Variants in L3MBTL2 observed in about 807,000 individuals in gnomAD.
L3MBTL2 encodes the protein lethal(3)malignant brain tumor-like protein 2.
L3MBTL2 carries 49 observed loss-of-function variants against 86.4 expected under a neutral mutation model. The observed-to-expected ratio is 0.57, with a 90% CI of 0.45 to 0.72. The LOEUF (loss-of-function observed/expected upper bound fraction) is 0.72. Among genes scored for constraint, L3MBTL2 ranks in the 30% least tolerant of loss-of-function variants. The probability of loss-of-function intolerance (pLI) is 0.00; values close to 1 mark genes in which losing one functional copy is unlikely to be tolerated. For missense variants in L3MBTL2, 755 were observed against 923.7 expected (o/e 0.82, Z 2.37); for synonymous variants, 336 against 350.6 (o/e 0.96, Z 0.47).
chr22:41,228,742 TG>T (rs2032367456), intron 15 of L3MBTL2, among the ~76,000 whole-genome samples: 1 of 150,852 alleles, frequency 6.6e-6, no homozygotes, highest in Non-Finnish European at 1.5e-5. Flanking sequence ...CCCAGCTACT[TG>T]GGAGGCTGAG....
chr22:41,228,882 G>C (rs1021382274), intron 15 of L3MBTL2, among the ~76,000 whole-genome samples: 26 of 152,058 alleles, frequency 1.7e-4, no homozygotes, highest in African/African-American at 6.0e-4. Context: ...GTGAGGGTGT[G>C]GCATTTATCC....
At position 41,220,873 on chromosome 22, in the gene L3MBTL2, G is replaced by T; in HGVS notation, c.853+5G>T. On this transcript the variant is annotated splice_donor_5th_base_variant and intron_variant, in intron 7 of 16. Coordinates refer to ENST00000216237, the MANE Select transcript of L3MBTL2 (RefSeq NM_031488.5). ...AGATCCTAGTGCCCCCACGGAGTGA[G>T]TTGATGAGAACATTTCCTCTCTTGT... 1 of 1,611,772 alleles carries T rather than the reference G, an allele frequency of 6.2e-7. No individual in the cohort carries two copies. The highest frequency in any genetic ancestry group is 8.5e-7 in the Non-Finnish European group (1 of 1,178,166).
In L3MBTL2 at chr22:41,230,575, G is replaced by A. The variant is rs1009111707; in HGVS notation, c.*324G>A. 5 of 348,436 alleles carry A rather than the reference G, an allele frequency of 1.4e-5. No individual in the cohort carries two copies. The highest frequency in any genetic ancestry group is 6.9e-5 in the East Asian group (1 of 14,536). The allele number at this position is 348,436 out of a possible 1,614,324, so 21.6% of individuals were successfully genotyped here. A position where few individuals can be genotyped will look rare whatever the true frequency, so the allele number is the denominator to read the frequency against. ...CCTTAAGATGGCCTCCCCCCGACCCGCCACGGCCCTCAGTTGCCAGGGATG... is the reference window on the plus strand; with the variant it reads ...CCTTAAGATGGCCTCCCCCCGACCCACCACGGCCCTCAGTTGCCAGGGATG... On this transcript the variant is annotated 3_prime_UTR_variant, in exon 17 of 17. Coordinates refer to ENST00000216237, the MANE Select transcript of L3MBTL2 (RefSeq NM_031488.5).
chr22:41,225,850 C>T lies in L3MBTL2; in HGVS notation c.1413C>T (p.Gly471=), dbSNP rs1426813120. ...ICVDGGPSTD[G]LDWFCYHASS... is the part of the protein sequence containing the mutation. ...TGGACGGGGGGCCCTCCACAGATGG[C>T]TTGGACTGGTTCTGCTACCATGCCT... Residue 471 remains glycine (G), a synonymous_variant, in exon 12 of 17, where the codon GGC becomes GGT. Transcript: ENST00000216237. The surrounding 1 kb of genome is among the most constrained non-coding windows in gnomAD (Gnocchi z 4.1). 8 of 1,614,044 alleles carry T rather than the reference C, an allele frequency of 5.0e-6. No individual in the cohort carries two copies. Among genetic ancestry groups the T allele is most frequent in the Non-Finnish European group, 6.8e-6 (8 of 1,180,030 alleles).
chr22:41,228,364 G>A lies in L3MBTL2; in HGVS notation c.1888+495G>A, dbSNP rs887679547. The A allele has an allele frequency of 3.1e-5, 31 of 985,462 alleles. 1 individual carries two copies. The highest frequency in any genetic ancestry group is 1.4e-4 in the African/African-American group (8 of 57,376). The allele number at this position is 985,462 out of a possible 1,614,324, so 61.0% of individuals were successfully genotyped here. Reference sequence around the variant, plus strand: ...ACCTGGCTCTCAGGCCGTGGGTGTCGTTTCCCTTGGTGGGGCCTCACTCTA... The same window carrying A: ...ACCTGGCTCTCAGGCCGTGGGTGTCATTTCCCTTGGTGGGGCCTCACTCTA... On this transcript the variant is annotated intron_variant, in intron 15 of 16. Coordinates refer to ENST00000216237, the MANE Select transcript of L3MBTL2 (RefSeq NM_031488.5).
chr22:41,215,561 C>A (rs534955696), intron 3 of L3MBTL2, among the ~76,000 whole-genome samples: 3 of 152,340 alleles, frequency 2.0e-5, no homozygotes, highest in Admixed American at 6.5e-5. Flanking sequence ...CAGACCAGAT[C>A]AGTGGCCATT....
intron 6 of L3MBTL2, among the ~76,000 whole-genome samples, chr22:41,220,276 G>A (rs917989348): frequency 2.0e-5 from 3 of 152,194 alleles, no homozygotes; most frequent in Non-Finnish European, 2.9e-5. Context: ...AATGCTTTCC[G>A]AACTAGGAGC....
intron 2 of L3MBTL2, among the ~76,000 whole-genome samples, chr22:41,210,487 G>A (rs1273297825): frequency 2.0e-5 from 3 of 152,094 alleles, no homozygotes; most frequent in South Asian, 2.1e-4. Context: ...CCGCCATGAC[G>A]CCCGGCTAAT....
At chr22:41,209,448 T>C (rs1346909406) in intron 1 of L3MBTL2, 2 of 445,434 alleles carry the variant, frequency 4.5e-6, no homozygotes, top group Non-Finnish European at 8.3e-6. Flanking sequence ...TGTTAAAATA[T>C]CATCATTTGT....
intron 8 of L3MBTL2, 116 bp downstream of exon 8, chr22:41,221,403 G>A: frequency 1.2e-6 from 1 of 869,302 alleles, no homozygotes; most frequent in South Asian, 1.5e-5. Flanking sequence ...ATCTTCAGCA[G>A]CTCCACATTT....
At chr22:41,213,796 C>G in intron 2 of L3MBTL2, 97 bp from the exon 3 acceptor site, 1 of 1,386,422 alleles carries the variant, frequency 7.2e-7, no homozygotes, top group Non-Finnish European at 1.0e-6. Flanking sequence ...AGGGGCTCAC[C>G]TGGTTAATGC....
rs763012272 is a variant in L3MBTL2 at position 41,209,792 on chromosome 22, G to C, written c.121G>C (p.Gly41Arg). 4.3e-6 allele frequency: 7 copies of C among 1,614,168 alleles called. No individual in the cohort carries two copies. The highest frequency in any genetic ancestry group is 4.2e-6 in the Non-Finnish European group (5 of 1,180,038). The change falls in exon 2 of 17, where the codon GGC becomes CGC. Residue 41 changes from glycine (G) to arginine (R), a missense_variant. Gly to Arg is a moderately radical substitution (Grantham distance 125). This residue lies in a region of L3MBTL2 where 103 missense variants were observed against 105.2 expected (regional missense o/e 0.98). Transcript: ENST00000216237. ...TTTCCGGAGTTATAACAGCAGTGTGGGCAGTGAGAGCAGCTCCTATCTGGA... is the reference window on the plus strand; with the variant it reads ...TTTCCGGAGTTATAACAGCAGTGTGCGCAGTGAGAGCAGCTCCTATCTGGA... ...DSFRSYNSSVGSESSSYLEES... is the reference protein window; with the variant it reads ...DSFRSYNSSVRSESSSYLEES...
In L3MBTL2 at chr22:41,230,079, G is replaced by A. The variant is rs560145749; in HGVS notation, c.2006-60G>A. ...GCCAGGTCCCTTTCCCAGCTCCTCC[G>A]CCCCCACCCCTCCCAGAGTTATTTA... On this transcript the variant is annotated intron_variant, in intron 16 of 16. Coordinates refer to ENST00000216237, the MANE Select transcript of L3MBTL2 (RefSeq NM_031488.5). 1,059 of 536,914 alleles carry A rather than the reference G, an allele frequency of 2.0e-3. 16 individuals are homozygous for A. The South Asian group carries it at 0.029, about 15-fold the overall frequency. The allele number at this position is 536,914 out of a possible 1,614,324, so 33.3% of individuals were successfully genotyped here.
intron 4 of L3MBTL2, among the ~76,000 whole-genome samples, chr22:41,216,681 C>T (rs757510851): frequency 3.3e-5 from 5 of 152,174 alleles, no homozygotes; most frequent in Non-Finnish European, 7.3e-5. Context: ...TAAAGCAACT[C>T]TGCTATCATT....
chr22:41,220,437 C>T (rs1481221298), intron 6 of L3MBTL2, among the ~76,000 whole-genome samples: 2 of 151,988 alleles, frequency 1.3e-5, no homozygotes, highest in Non-Finnish European at 2.9e-5. Context: ...CCTGTAATCC[C>T]AGCACTTTGG....
chr22:41,209,773 G>C lies in L3MBTL2; in HGVS notation c.102G>C (p.Arg34=), dbSNP rs2030561518. The change falls in exon 2 of 17, where the codon CGG becomes CGC. Residue 34 remains arginine (R), a synonymous_variant. Transcript: ENST00000216237. The part of the protein sequence containing the change: ...LELFGGYDSF[R]SYNSSVGSES... ...TGTTTGGTGGCTATGATAGTTTCCG[G>C]AGTTATAACAGCAGTGTGGGCAGTG... The C allele has an allele frequency of 6.2e-7, 1 of 1,614,040 alleles. No homozygotes were observed. The highest frequency in any genetic ancestry group is 1.7e-5 in the Admixed American group (1 of 59,976).
intron 4 of L3MBTL2, 151 bp downstream of exon 4, chr22:41,216,413 C>A: frequency 1.1e-6 from 1 of 893,032 alleles, no homozygotes; most frequent in Non-Finnish European, 1.6e-6. Context: ...TCTTCCTCAC[C>A]TGTTGGGTAT....
At chr22:41,229,849 C>G (rs1322356042) in intron 16 of L3MBTL2, 193 bp downstream of exon 16, 5 of 935,252 alleles carry the variant, frequency 5.3e-6, no homozygotes, top group Non-Finnish European at 6.8e-6. Context: ...GAGCTGAGTC[C>G]CCCTCTAGCC....
At chr22:41,209,572 T>TA in intron 1 of L3MBTL2, 124 bp from the exon 2 acceptor site, 1 of 743,086 alleles carries the variant, frequency 1.3e-6, no homozygotes, top group Non-Finnish European at 2.3e-6. Flanking sequence ...TTGGTGTTTG[T>TA]AAAAGGGGTA....
Sources: allele counts gnomAD v4.1 joint callset (sites outside exome capture counted in the v4.1 genomes callset), GRCh38; gene constraint gnomAD v4.1.1; regional missense constraint gnomAD v4.1.1; non-coding constraint Gnocchi (gnomAD v3.1); transcripts MANE v1.5; gene names NCBI Gene and HGNC (gene_info 2026-07-23, HGNC 2026-07-21).